CPQ: variants seen among roughly 807,000 people sequenced by gnomAD.
CPQ encodes carboxypeptidase Q.
In CPQ, 37 loss-of-function variants were observed where a neutral mutation model predicts 45.7. The observed-to-expected ratio is 0.81, with a 90% CI of 0.62 to 1.07. The LOEUF is 1.07. CPQ is among the 50% of genes least tolerant of loss of function. CPQ has a pLI of 0.00. For synonymous variants in CPQ, 186 were observed against 205.8 expected, an observed-to-expected ratio of 0.90 and a Z score of 0.82; for missense variants, 537 against 572.9, an observed-to-expected ratio of 0.94 and a Z score of 0.64.
At chr8:97,123,177 T>TAAA (rs1395817726) in intron 7 of CPQ, among the ~76,000 whole-genome samples, 260 of 23,640 alleles carry the variant, frequency 0.011, 8 homozygotes, top group African/African-American at 0.036. Flanking sequence ...TAAAATAAAA[T>TAAA]ATAAAATAAA....
intron 1 of CPQ, among the ~76,000 whole-genome samples, chr8:96,652,798 A>G (rs1815592311): frequency 1.3e-5 from 2 of 151,874 alleles, no homozygotes; most frequent in Admixed American, 6.6e-5. Flanking sequence ...ATGCCCGGCT[A>G]ATTTTTTTTG....
Position 96,835,065 on chromosome 8 carries a change from C to G in CPQ, c.526C>G (p.Pro176Ala), listed in dbSNP as rs1159485264. The part of the protein sequence containing the change: ...ARGKIVVYNQ[P>A]YINYSRTVQY... ...AGGGAAGATTGTTGTTTATAACCAA[C>G]CTTACATCAACTACTCAAGGACGGT... Residue 176 changes from proline (P) to alanine (A), a missense_variant, in exon 3 of 8, where the codon CCT becomes GCT. Transcript: ENST00000220763. The G allele has an allele frequency of 6.2e-7, 1 of 1,613,322 alleles. No homozygotes were observed. Among genetic ancestry groups the G allele is most frequent in the East Asian group, 2.2e-5 (1 of 44,834 alleles).
At chr8:96,706,287 G>T (rs1809529653) in intron 1 of CPQ, among the ~76,000 whole-genome samples, 1 of 152,102 alleles carries the variant, frequency 6.6e-6, no homozygotes, top group Admixed American at 6.6e-5. Context: ...TAAGCCAGGT[G>T]TATTGTTTTT....
At chr8:96,676,940 C>T (rs564770678) in intron 1 of CPQ, among the ~76,000 whole-genome samples, 1 of 152,106 alleles carries the variant, frequency 6.6e-6, no homozygotes, top group East Asian at 1.9e-4. Context: ...GTTTTCCATT[C>T]CTGAGTTATT....
chr8:96,778,935 G>A (rs1280734020), intron 1 of CPQ, among the ~76,000 whole-genome samples: 2 of 151,794 alleles, frequency 1.3e-5, no homozygotes, highest in East Asian at 3.9e-4. Flanking sequence ...CATGGTGACA[G>A]GCACCTGTAA....
intron 1 of CPQ, among the ~76,000 whole-genome samples, chr8:96,705,272 G>A (rs1360895404): frequency 1.3e-5 from 2 of 152,080 alleles, no homozygotes; most frequent in Non-Finnish European, 2.9e-5. Context: ...GTCCTTGAGA[G>A]TAGAGATTTT....
chr8:97,046,776 G>A (rs1810264543), intron 6 of CPQ, among the ~76,000 whole-genome samples: 1 of 152,194 alleles, frequency 6.6e-6, no homozygotes, highest in African/African-American at 2.4e-5. Context: ...ATAGCTGGCA[G>A]TGTTTTTTCC....
At chr8:96,707,001 A>AC (rs1809538284) in intron 1 of CPQ, among the ~76,000 whole-genome samples, 1 of 152,128 alleles carries the variant, frequency 6.6e-6, no homozygotes, top group Non-Finnish European at 1.5e-5. Context: ...TTTTCTTATG[A>AC]TAGGCCCAGA....
chr8:96,731,959 T>C (rs1295036104), intron 1 of CPQ, among the ~76,000 whole-genome samples: 3 of 152,210 alleles, frequency 2.0e-5, no homozygotes. Flanking sequence ...AATTGATTGA[T>C]ATTAATTTAA....
At chr8:97,044,989 G>T (rs1409522194) in intron 6 of CPQ, among the ~76,000 whole-genome samples, 1 of 152,170 alleles carries the variant, frequency 6.6e-6, no homozygotes, top group Non-Finnish European at 1.5e-5. Flanking sequence ...CCAGCTGCGT[G>T]CTGGGAGAAC....
intron 2 of CPQ, among the ~76,000 whole-genome samples, chr8:96,786,153 T>G (rs2130810081): frequency 6.6e-6 from 1 of 152,226 alleles, no homozygotes; most frequent in Non-Finnish European, 1.5e-5. Context: ...AAAAAGAAAC[T>G]CTGTGACTAT....
intron 5 of CPQ, among the ~76,000 whole-genome samples, chr8:97,027,003 G>A (rs927465673): frequency 5.9e-5 from 9 of 152,216 alleles, no homozygotes; most frequent in South Asian, 4.2e-4. Flanking sequence ...TGGTAGGTGC[G>A]GAGATATGTA....
intron 5 of CPQ, among the ~76,000 whole-genome samples, chr8:97,017,081 C>T (rs1809593039): frequency 6.6e-6 from 1 of 152,150 alleles, no homozygotes; most frequent in Admixed American, 6.5e-5. Flanking sequence ...GTAAGACACC[C>T]CAAAAAACTG....
intron 5 of CPQ, among the ~76,000 whole-genome samples, chr8:97,020,357 A>G (rs542490867): frequency 2.6e-5 from 4 of 152,274 alleles, no homozygotes; most frequent in South Asian, 2.1e-4. Flanking sequence ...AACCCAGCAG[A>G]AGAAAGGAAA....
intron 7 of CPQ, among the ~76,000 whole-genome samples, chr8:97,109,111 C>T (rs980913406): frequency 3.9e-4 from 59 of 152,186 alleles, no homozygotes; most frequent in African/African-American, 1.3e-3. Flanking sequence ...TTCTCTTCTT[C>T]CTGACTTCCA....
chr8:97,035,857 G>A (rs997434075), intron 6 of CPQ, among the ~76,000 whole-genome samples: 10 of 151,992 alleles, frequency 6.6e-5, no homozygotes, highest in Non-Finnish European at 1.3e-4. Context: ...ACAGGCGCCC[G>A]CCACCACACC....
Position 96,755,302 on chromosome 8 carries a change from G to T in CPQ, c.-34-29562G>T, listed in dbSNP as rs149503891. Among the ~76,000 whole-genome samples the T allele has an allele frequency of 3.6e-4, 54 of 151,956 alleles. No homozygotes were observed. In the East Asian group the frequency reaches 0.01, roughly 29 times the overall value. On this transcript the variant is annotated intron_variant, in intron 1 of 7. Coordinates refer to ENST00000220763, the MANE Select transcript of CPQ (RefSeq NM_016134.4). ...AGGTAACCACAATTATGATGTTCTT[G>T]TGTTTCCTTCCAGAGGTATTCTAAG...
chr8:96,908,745 G>GAGCACA (rs1554577088), intron 4 of CPQ, among the ~76,000 whole-genome samples: 1 of 16,906 alleles, frequency 5.9e-5, no homozygotes, highest in Non-Finnish European at 1.1e-4. Context: ...TTATACACAT[G>GAGCACA]CGCACACACA....
chr8:97,138,064 T>C (rs1299684334), intron 7 of CPQ, among the ~76,000 whole-genome samples: 1 of 152,218 alleles, frequency 6.6e-6, no homozygotes, highest in East Asian at 1.9e-4. Flanking sequence ...TCATGTTTTT[T>C]GGAGCATCTC....
Sources: gnomAD v4.1 joint callset for allele counts (sites outside exome capture counted in the v4.1 genomes callset) on GRCh38, gnomAD v4.1.1 for gene constraint, MANE v1.5 for transcripts, NCBI Gene and HGNC (gene_info 2026-07-23, HGNC 2026-07-21) for gene names.